Variants in PTPN21 observed in about 807,000 individuals in gnomAD.
PTPN21 encodes tyrosine-protein phosphatase non-receptor type 21.
A neutral mutation model predicts 131.8 loss-of-function variants in PTPN21; 77 were observed. That is an observed-to-expected ratio of 0.58 (90% CI 0.49 to 0.71). The LOEUF (loss-of-function observed/expected upper bound fraction) is 0.71, where lower values mean the gene tolerates loss of function less well. PTPN21 is among the 30% of genes least tolerant of loss of function. PTPN21 has a pLI of 0.00. For missense variants in PTPN21, 1,552 were observed against 1,527.1 expected (o/e 1.02, Z -0.27); for synonymous variants, 715 against 621.3 (o/e 1.15, Z -2.24).
At chr14:88,474,131 C>CGAAA (rs1555382614) in intron 13 of PTPN21, among the ~76,000 whole-genome samples, 1 of 46,686 alleles carries the variant, frequency 2.1e-5, no homozygotes. Flanking sequence ...AGCTGAAGTC[C>CGAAA]AAAAAAAAAA....
intron 10 of PTPN21, among the ~76,000 whole-genome samples, chr14:88,491,928 C>T (rs763191898): frequency 1.3e-5 from 2 of 151,946 alleles, no homozygotes; most frequent in African/African-American, 2.4e-5. Flanking sequence ...TAGCAATATT[C>T]CAAAAACTAG....
chr14:88,520,618 T>C (rs1425227116), intron 2 of PTPN21, among the ~76,000 whole-genome samples: 2 of 152,172 alleles, frequency 1.3e-5, no homozygotes, highest in Admixed American at 6.6e-5. Flanking sequence ...TTTTTTAAAC[T>C]GCAACTTATA....
At chr14:88,554,189 C>G (rs2078897561) in intron 1 of PTPN21, among the ~76,000 whole-genome samples, 1 of 152,168 alleles carries the variant, frequency 6.6e-6, no homozygotes, top group South Asian at 2.1e-4. Context: ...CCAATCTAAT[C>G]AGGATTTGCA....
chr14:88,518,737 T>G (rs2078343703), intron 2 of PTPN21, among the ~76,000 whole-genome samples: 1 of 151,766 alleles, frequency 6.6e-6, no homozygotes, highest in Non-Finnish European at 1.5e-5. Flanking sequence ...AGCCTCATAA[T>G]TAATATTTTT....
chr14:88,478,599 GA>G (rs1484683722), intron 13 of PTPN21, among the ~76,000 whole-genome samples: 13 of 152,168 alleles, frequency 8.5e-5, no homozygotes, highest in Non-Finnish European at 1.3e-4. Context: ...CTAAAGTAAT[GA>G]AATCTTAACT....
At position 88,525,291 on chromosome 14, in the gene PTPN21, GAAGAA is replaced by G. The variant is rs561042346; in HGVS notation, c.181-8035_181-8031del. On this transcript the variant is annotated intron_variant, in intron 2 of 18. Coordinates refer to ENST00000556564, the MANE Select transcript of PTPN21 (RefSeq NM_007039.4). ...AAGTAAAAAAAAAACCTACAGAACA[GAAGAA>G]AAGGAGAAAATATTTGCAAATTATA... Among the ~76,000 whole-genome samples, 50 of 151,204 alleles carry G rather than the reference GAAGAA, an allele frequency of 3.3e-4. 1 individual carries two copies. The highest frequency in any genetic ancestry group is 4.6e-4 in the Admixed American group (7 of 15,232).
chr14:88,497,111 T>C lies in PTPN21; in HGVS notation c.852+92A>G, dbSNP rs895119233. ...TTACAAAATATTATCATTTTAATGC[T>C]GCCCTGCCTCCAAACACATACAGGC... On this transcript the variant is annotated intron_variant, in intron 9 of 18. Transcript: ENST00000556564. 4.0e-6 allele frequency: 4 copies of C among 1,005,966 alleles called. No homozygotes were observed. The African/African-American group carries it at 4.9e-5, about 12-fold the overall frequency. The allele number at this position is 1,005,966 out of a possible 1,614,324, so 62.3% of individuals were successfully genotyped here.
rs561242740 is a variant in PTPN21, at chr14:88,496,234, T to C, written c.932+179A>G. 3.9e-5 allele frequency among the ~76,000 whole-genome samples: 6 copies of C among 152,324 alleles called. No homozygotes were observed. In the South Asian group the frequency reaches 1.2e-3, roughly 32 times the overall value. ...GGTTCTTGTAACTAGTTGAAATAAA[T>C]CTTAGAGGCATACAATGTAGTTATT... On this transcript the variant is annotated intron_variant, in intron 10 of 18. Transcript: ENST00000556564.
intron 14 of PTPN21, among the ~76,000 whole-genome samples, chr14:88,472,837 A>G (rs1341447154): frequency 1.3e-5 from 2 of 152,186 alleles, no homozygotes; most frequent in Non-Finnish European, 2.9e-5. Flanking sequence ...CTATCTCAAA[A>G]AAACCAAACC....
chr14:88,538,447 C>T (rs913283685), intron 2 of PTPN21, among the ~76,000 whole-genome samples: 4 of 152,224 alleles, frequency 2.6e-5, no homozygotes, highest in African/African-American at 9.6e-5. Context: ...CATCAAACAG[C>T]TCTGCCCTAA....
rs2077504650 is a variant in PTPN21 at position 88,473,688 on chromosome 14, T to TA, written c.2625dup (p.Thr876TyrfsTer6). 2 of 1,613,246 alleles carry TA rather than the reference T, an allele frequency of 1.2e-6. No individual in the cohort carries two copies. The highest frequency in any genetic ancestry group is 1.3e-5 in the African/African-American group (1 of 74,808). On this transcript the variant is annotated frameshift_variant, in exon 14 of 19. Coordinates refer to ENST00000556564, the MANE Select transcript of PTPN21 (RefSeq NM_007039.4). LOFTEE classifies it high-confidence loss of function. ...ACCCTTTCATCATTCGTTGCTCTGG[T>TA]AGCCACTTCCTTTCCTTCATCAGGC...
rs2078665101 is a variant in PTPN21, at chr14:88,538,850, C to CAT, written c.180+11387_180+11388insAT. Among the ~76,000 whole-genome samples the CAT allele has an allele frequency of 2.6e-5, 4 of 152,214 alleles. No individual in the cohort carries two copies. In the South Asian group the frequency reaches 6.2e-4, roughly 24 times the overall value. ...ATCAGTAAAATGGAGATGAGCATAA[C>CAT]AGTGCCTCATATACAGGATTTTTGT... On this transcript the variant is annotated intron_variant, in intron 2 of 18. Transcript: ENST00000556564.
At chr14:88,500,138 T>A (rs777368755) in intron 8 of PTPN21, among the ~76,000 whole-genome samples, 3 of 135,104 alleles carry the variant, frequency 2.2e-5, no homozygotes, top group Non-Finnish European at 4.8e-5. Flanking sequence ...ATATTTTTCA[T>A]AGGAAAGAGC....
At chr14:88,527,328 G>T (rs1368970745) in intron 2 of PTPN21, among the ~76,000 whole-genome samples, 1 of 152,054 alleles carries the variant, frequency 6.6e-6, no homozygotes, top group Admixed American at 6.6e-5. Context: ...ATTATTCTTT[G>T]ATTTTTTTAT....
chr14:88,501,148 CCTCAGCTTTTAAGTTTCCAGAGTTTTG>C (rs2078001879), intron 7 of PTPN21, 106 bp downstream of exon 7: 1 of 838,652 alleles, frequency 1.2e-6, no homozygotes, highest in Non-Finnish European at 2.0e-6. Flanking sequence ...GTCACCAGGA[CCTCAGCTTTTAAGTTTCCAGAGTTTTG>C]CACGTCCTCA....
At chr14:88,499,102 C>T (rs904508871) in intron 8 of PTPN21, among the ~76,000 whole-genome samples, 23 of 152,250 alleles carry the variant, frequency 1.5e-4, no homozygotes, top group Middle Eastern at 3.4e-3. Context: ...GGTGAAGCCA[C>T]GGATCCATTT....
chr14:88,547,646 T>G (rs1396057651), intron 2 of PTPN21: 1 of 455,762 alleles, frequency 2.2e-6, no homozygotes, highest in Non-Finnish European at 4.4e-6. Context: ...GAGTGAGACC[T>G]CATCCCTAAA....
chr14:88,523,047 G>A (rs1369243355), intron 2 of PTPN21, among the ~76,000 whole-genome samples: 1 of 151,970 alleles, frequency 6.6e-6, no homozygotes, highest in Admixed American at 6.6e-5. Flanking sequence ...ACAAGGTGGG[G>A]AGTGAGCACG....
intron 2 of PTPN21, among the ~76,000 whole-genome samples, chr14:88,521,090 C>T (rs760111487): frequency 5.3e-5 from 8 of 151,900 alleles, no homozygotes; most frequent in Non-Finnish European, 1.0e-4. Context: ...GTGATCTTCC[C>T]GTCTCAGCTT....
Sources: allele counts gnomAD v4.1 joint callset (sites outside exome capture counted in the v4.1 genomes callset), GRCh38; gene constraint gnomAD v4.1.1; transcripts MANE v1.5; gene names NCBI Gene and HGNC (gene_info 2026-07-23, HGNC 2026-07-21).